EDA: variants seen among roughly 807,000 people sequenced by gnomAD.
EDA encodes the protein ectodysplasin-A.
In EDA, 2 loss-of-function variants were observed where a neutral mutation model predicts 23.6. The ratio of observed to expected loss-of-function variants is 0.08; its 90% CI spans 0.03 to 0.27. The LOEUF (loss-of-function observed/expected upper bound fraction) is 0.27. Ranked by LOEUF, EDA falls within the 10% of genes least tolerant of loss-of-function variation. EDA has a pLI of 1.00. For missense variants in EDA, 229 were observed against 324.2 expected, an observed-to-expected ratio of 0.71 and a Z score of 2.26; for synonymous variants, 131 against 132.0, an observed-to-expected ratio of 0.99 and a Z score of 0.05.
intron 1 of EDA, among the ~76,000 whole-genome samples, chrX:69,728,061 A>G (rs1408851350): frequency 9.1e-6 from 1 of 110,396 alleles, no homozygotes; most frequent in Non-Finnish European, 1.9e-5. Context: ...CCTGGCCAAC[A>G]TGGTGAAACC....
chrX:69,983,582 G>T (rs2019448183), intron 2 of EDA, among the ~76,000 whole-genome samples: 1 of 34,229 alleles, frequency 2.9e-5, no homozygotes, highest in African/African-American at 1.3e-4. Context: ...GTTGAATATT[G>T]GCCCCCACTC....
chrX:69,775,166 G>T (rs2014742547), intron 1 of EDA, among the ~76,000 whole-genome samples: 1 of 111,529 alleles, frequency 9.0e-6, no homozygotes, highest in South Asian at 3.8e-4. Flanking sequence ...ATTTCAGACA[G>T]AACTCCTATT....
intron 2 of EDA, among the ~76,000 whole-genome samples, chrX:70,005,609 G>A (rs922907062): frequency 3.7e-5 from 4 of 108,762 alleles, no homozygotes; most frequent in Non-Finnish European, 7.6e-5. Flanking sequence ...TTTAAAGGAT[G>A]TGTAGGTATT....
chrX:69,856,190 A>G (rs187470321), intron 1 of EDA, among the ~76,000 whole-genome samples: 60 of 104,672 alleles, frequency 5.7e-4, no homozygotes, highest in Admixed American at 4.8e-3. Flanking sequence ...ATGGTCTCCA[A>G]CTCCATCCAG....
intron 1 of EDA, among the ~76,000 whole-genome samples, chrX:69,707,225 A>G (rs1485348982): frequency 1.8e-5 from 2 of 112,140 alleles, no homozygotes; most frequent in African/African-American, 6.5e-5. Context: ...AATTCTTACA[A>G]ATATTTTTCT....
At chrX:69,788,603 CA>C (rs1004411563) in intron 1 of EDA, among the ~76,000 whole-genome samples, 79 of 112,112 alleles carry the variant, frequency 7.0e-4, no homozygotes, top group African/African-American at 2.4e-3. Flanking sequence ...TTAGGCTGCT[CA>C]GGGGTCAGGG....
chrX:69,819,815 A>G (rs752541381), intron 1 of EDA, among the ~76,000 whole-genome samples: 36 of 109,052 alleles, frequency 3.3e-4, no homozygotes, highest in South Asian at 8.1e-4. Context: ...AAAGTAATTT[A>G]TAGAGTCAAT....
intron 1 of EDA, among the ~76,000 whole-genome samples, chrX:69,678,584 A>G (rs1934200686): frequency 9.1e-6 from 1 of 109,842 alleles, no homozygotes; most frequent in African/African-American, 3.3e-5. Context: ...CTTTGTAGCA[A>G]TTGTGAATGG....
intron 1 of EDA, among the ~76,000 whole-genome samples, chrX:69,865,779 C>T (rs1301916132): frequency 8.9e-6 from 1 of 111,856 alleles, no homozygotes; most frequent in Non-Finnish European, 1.9e-5. Flanking sequence ...ATAATTACAC[C>T]TAACATAATA....
At position 69,931,896 on chromosome X, in the gene EDA, T is replaced by A. The variant is rs764152196; in HGVS notation, c.397-25131T>A. Among the ~76,000 whole-genome samples the A allele has an allele frequency of 3.6e-5, 4 of 112,234 alleles. No homozygotes were observed. The South Asian group carries it at 1.5e-3, about 42-fold the overall frequency. On this transcript the variant is annotated intron_variant, in intron 1 of 7. Coordinates refer to ENST00000374552, the MANE Select transcript of EDA (RefSeq NM_001399.5). ...GTCCACACAAAGACTTGCACACCAATGTCTGTAACAGTTTTATTTGTAGTA... is the reference window on the plus strand; with the variant it reads ...GTCCACACAAAGACTTGCACACCAAAGTCTGTAACAGTTTTATTTGTAGTA...
chrX:69,680,940 G>T (rs1472080583), intron 1 of EDA, among the ~76,000 whole-genome samples: 1 of 107,521 alleles, frequency 9.3e-6, no homozygotes, highest in Non-Finnish European at 1.9e-5. Context: ...AATTTGGCAT[G>T]ATTTTGCAGC....
chrX:69,850,780 C>T (rs2017108354), intron 1 of EDA, among the ~76,000 whole-genome samples: 1 of 112,255 alleles, frequency 8.9e-6, no homozygotes, highest in Non-Finnish European at 1.9e-5. Flanking sequence ...CTGGAGAATC[C>T]CATTTGTATT....
chrX:69,674,898 TC>T (rs1316973429), intron 1 of EDA, among the ~76,000 whole-genome samples: 1 of 112,289 alleles, frequency 8.9e-6, no homozygotes, highest in African/African-American at 3.2e-5. Flanking sequence ...TCTTGTTGCC[TC>T]CCTGACTGAT....
chrX:69,879,895 A>ACT (rs1387483889), intron 1 of EDA, among the ~76,000 whole-genome samples: 2 of 110,411 alleles, frequency 1.8e-5, no homozygotes, highest in Non-Finnish European at 3.8e-5. Context: ...TCTAAAGTCA[A>ACT]CTCTCCCCAT....
chrX:69,712,029 G>T (rs34873766), intron 1 of EDA, among the ~76,000 whole-genome samples: 36,315 of 109,118 alleles, frequency 0.33, 5,218 homozygotes, highest in Middle Eastern at 0.57. Flanking sequence ...TTTCTTGCCT[G>T]CTGCTAGCTT....
intron 1 of EDA, among the ~76,000 whole-genome samples, chrX:69,822,108 C>G (rs761568208): frequency 9.0e-6 from 1 of 110,630 alleles, no homozygotes; most frequent in South Asian, 3.9e-4. Context: ...CATATTGAGA[C>G]CCCATCTCTA....
In EDA at chrX:69,929,201, C is replaced by T. The variant is rs73226444; in HGVS notation, c.397-27826C>T. 8.4e-3 allele frequency among the ~76,000 whole-genome samples: 938 copies of T among 111,300 alleles called. 4 individuals carry two copies. The highest frequency in any genetic ancestry group is 0.014 in the Non-Finnish European group (740 of 52,969). ...AAGTAAAAATGAATATTGTGACTGGCAAGTGCTCAAGGATTTTAGTACTAA... is the reference window on the plus strand; with the variant it reads ...AAGTAAAAATGAATATTGTGACTGGTAAGTGCTCAAGGATTTTAGTACTAA... On this transcript the variant is annotated intron_variant, in intron 1 of 7. Transcript: ENST00000374552.
intron 1 of EDA, among the ~76,000 whole-genome samples, chrX:69,784,373 A>G (rs1452870582): frequency 4.0e-5 from 4 of 99,685 alleles, no homozygotes; most frequent in South Asian, 4.9e-4. Context: ...GCCCATGCCT[A>G]TGTCCTGAAT....
At chrX:69,820,345 A>G (rs2016189490) in intron 1 of EDA, among the ~76,000 whole-genome samples, 1 of 112,378 alleles carries the variant, frequency 8.9e-6, no homozygotes, top group Non-Finnish European at 1.9e-5. Flanking sequence ...TAAAGATTTC[A>G]TAACAAAAAC....
Sources: allele counts gnomAD v4.1 joint callset (sites outside exome capture counted in the v4.1 genomes callset), GRCh38; gene constraint gnomAD v4.1.1; transcripts MANE v1.5; gene names NCBI Gene and HGNC (gene_info 2026-07-23, HGNC 2026-07-21).